Variants in TTC9B observed in about 807,000 individuals in gnomAD.
TTC9B encodes tetratricopeptide repeat protein 9B.
TTC9B carries 12 observed loss-of-function variants against 19.4 expected under a neutral mutation model. The observed-to-expected ratio is 0.62, with a 90% CI of 0.40 to 1.00. The LOEUF (loss-of-function observed/expected upper bound fraction) is 1.00, where lower values mean the gene tolerates loss of function less well. TTC9B is among the 50% of genes least tolerant of loss of function. The pLI is 0.00. For synonymous variants in TTC9B, 156 were observed against 158.6 expected (o/e 0.98, Z 0.12); for missense variants, 316 against 345.2 (o/e 0.92, Z 0.67).
At chr19:40,216,340 G>A (rs1973366408) in intron 2 of TTC9B, 68 bp from the exon 3 acceptor site, 1 of 1,182,608 alleles carries the variant, frequency 8.5e-7, no homozygotes, top group African/African-American at 1.5e-5. Context: ...ACACCTCCCT[G>A]GCTCACACCC....
intron 1 of TTC9B, 75 bp downstream of exon 1, chr19:40,217,880 T>A: frequency 2.3e-6 from 3 of 1,320,742 alleles, no homozygotes; most frequent in Admixed American, 2.9e-5. Flanking sequence ...CCAGGGCCCC[T>A]GGCCCCCAAG....
chr19:40,216,931 G>A (rs575538513), intron 2 of TTC9B: 1 of 581,898 alleles, frequency 1.7e-6, no homozygotes, highest in African/African-American at 1.9e-5. Flanking sequence ...GGCAATGACG[G>A]TAGATGAGAA....
At chr19:40,217,001 G>A in intron 2 of TTC9B, 186 bp downstream of exon 2, 1 of 634,516 alleles carries the variant, frequency 1.6e-6, no homozygotes, top group South Asian at 2.0e-5. Context: ...GCGGGTGAAG[G>A]GCGGGGTGGA....
At chr19:40,217,722 C>G (rs916381769) in intron 1 of TTC9B, 51 of 529,832 alleles carry the variant, frequency 9.6e-5, no homozygotes, top group Non-Finnish European at 2.6e-5. Context: ...TCAGGGGAAG[C>G]GAGGCCCTGA....
chr19:40,216,835 G>T (rs574650972), intron 2 of TTC9B: 2 of 430,510 alleles, frequency 4.6e-6, no homozygotes, highest in Admixed American at 3.7e-5. Context: ...GAGTGTGTGC[G>T]GTAGGCAGGG....
chr19:40,217,337 C>G lies in TTC9B; in HGVS notation c.460G>C (p.Glu154Gln), dbSNP rs1426753614. 1 of 1,613,698 alleles carries G rather than the reference C, an allele frequency of 6.2e-7. No homozygotes were observed. The highest frequency in any genetic ancestry group is 8.5e-7 in the Non-Finnish European group (1 of 1,179,822). The change falls in exon 2 of 3, where the codon GAG becomes CAG. Residue 154 changes from glutamate (E) to glutamine (Q), a missense_variant. Coordinates refer to ENST00000311308, the MANE Select transcript of TTC9B (RefSeq NM_152479.6). ...CLLQSELVNY[E>Q]RVREYCLKVL... Reference sequence around the variant, plus strand: ...TTGAGACAGTACTCGCGCACGCGCTCGTAGTTTACCAGCTCCGACTGCAGC... The same window carrying G: ...TTGAGACAGTACTCGCGCACGCGCTGGTAGTTTACCAGCTCCGACTGCAGC...
intron 1 of TTC9B, 66 bp downstream of exon 1, chr19:40,217,889 A>C: frequency 4.5e-6 from 6 of 1,341,412 alleles, no homozygotes; most frequent in East Asian, 6.0e-5. Flanking sequence ...CTGGCCCCCA[A>C]GTCGCCAAGC....
At chr19:40,217,918 C>A (rs749749587) in intron 1 of TTC9B, 37 bp downstream of exon 1, 1 of 1,241,922 alleles carries the variant, frequency 8.1e-7, no homozygotes, top group South Asian at 1.5e-5. Flanking sequence ...TTGCCCCCTC[C>A]CCTCGTGCCC....
rs565258257 is a variant in TTC9B, at chr19:40,216,164, C to G, written c.719G>C (p.Ter240SerextTer27). ...AGSQTRDVIG[*>S] ...TAGAGAGGTCCCCCTGGATTGGCCT[C>G]AGCCAATTACATCCCGAGTCTGGGA... Residue 240 changes from the stop codon to serine (S), a stop_lost, in exon 3 of 3, where the codon TGA becomes TCA. Coordinates refer to ENST00000311308, the MANE Select transcript of TTC9B (RefSeq NM_152479.6). The G allele has an allele frequency of 1.2e-6, 2 of 1,613,036 alleles. No homozygotes were observed. Among genetic ancestry groups the G allele is most frequent in the African/African-American group, 1.3e-5 (1 of 75,042 alleles).
At chr19:40,217,422 C>A (rs1287756084) in intron 1 of TTC9B, 53 bp from the exon 2 acceptor site, 10 of 1,575,750 alleles carry the variant, frequency 6.3e-6, no homozygotes, top group Non-Finnish European at 8.6e-6. Context: ...CCCCCAGAAC[C>A]CACCTGACTG....
At chr19:40,217,482 C>G in intron 1 of TTC9B, 113 bp from the exon 2 acceptor site, 1 of 1,341,952 alleles carries the variant, frequency 7.5e-7, no homozygotes, top group Non-Finnish European at 9.9e-7. Context: ...AGGGATTGCT[C>G]CGGCAACCAG....
chr19:40,216,761 G>A (rs1412308517), intron 2 of TTC9B: 2 of 305,690 alleles, frequency 6.5e-6, no homozygotes, highest in African/African-American at 4.2e-5. Context: ...GTCCACCCGA[G>A]TGGATGAGTG....
chr19:40,216,107 G>T lies in TTC9B; in HGVS notation c.*56C>A, dbSNP rs1599922198. The T allele has an allele frequency of 7.3e-6, 10 of 1,363,306 alleles. 1 individual carries two copies. The East Asian group carries it at 2.1e-4, about 28-fold the overall frequency. 84.5% of individuals were successfully genotyped at this position (1,363,306 alleles called of 1,614,324 possible). A position where few individuals can be genotyped will look rare whatever the true frequency, so the allele number is the denominator to read the frequency against. Reference sequence around the variant, plus strand: ...TTACCAACAAACACATGAGTCGGGGGAAGTTACATGGTGAGGTGGGAGGGC... The same window carrying T: ...TTACCAACAAACACATGAGTCGGGGTAAGTTACATGGTGAGGTGGGAGGGC... On this transcript the variant is annotated 3_prime_UTR_variant, in exon 3 of 3. Transcript: ENST00000311308.
intron 1 of TTC9B, 83 bp from the exon 2 acceptor site, chr19:40,217,452 G>A (rs985493596): frequency 4.2e-5 from 63 of 1,513,114 alleles, no homozygotes; most frequent in Non-Finnish European, 5.6e-5. Flanking sequence ...GAGGCTCCAG[G>A]CGGCAGGGAA....
In TTC9B at chr19:40,216,257, C is replaced by G. The variant is rs1568497741; in HGVS notation, c.626G>C (p.Arg209Pro). ...SREPTDTNVL[R>P]YIQLTQLKMN... ...CTTCAGCTGAGTCAGCTGGATGTAG[C>G]GGAGCACATTGGTGTCTGCAGGGGA... is the stretch of plus-strand genomic sequence containing the variant. Residue 209 changes from arginine to proline, a missense_variant, in exon 3 of 3, where the codon CGC becomes CCC. Arg to Pro is a moderately radical substitution (Grantham distance 103, BLOSUM62 -2). Transcript: ENST00000311308. 6.2e-7 allele frequency: 1 copy of G among 1,614,048 alleles called. No homozygotes were observed. Among genetic ancestry groups the G allele is most frequent in the East Asian group, 2.2e-5 (1 of 44,888 alleles).
Position 40,217,723 on chromosome 19 carries a change from G to A in TTC9B, c.427+232C>T, listed in dbSNP as rs187005226. The A allele has an allele frequency of 1.3e-5, 7 of 529,406 alleles. No individual in the cohort carries two copies. In the African/African-American group the frequency reaches 1.4e-4, roughly 10 times the overall value. 32.8% of individuals were successfully genotyped at this position (529,406 alleles called of 1,614,324 possible). A position where few individuals can be genotyped will look rare whatever the true frequency, so the allele number is the denominator to read the frequency against. On this transcript the variant is annotated intron_variant, in intron 1 of 2. Coordinates refer to ENST00000311308, the MANE Select transcript of TTC9B (RefSeq NM_152479.6). Reference sequence around the variant, plus strand: ...GTGGAAAGAATGACTCAGGGGAAGCGAGGCCCTGAATACCCGACCCAAAGA... The same window carrying A: ...GTGGAAAGAATGACTCAGGGGAAGCAAGGCCCTGAATACCCGACCCAAAGA...
intron 1 of TTC9B, chr19:40,217,665 C>T (rs1419644645): frequency 7.6e-6 from 4 of 525,332 alleles, no homozygotes; most frequent in Non-Finnish European, 1.3e-5. Context: ...TCAGGGCAGA[C>T]TTCCTCACCT....
chr19:40,217,232 G>C lies in TTC9B; in HGVS notation c.565C>G (p.Arg189Gly), dbSNP rs757206821. 6.8e-6 allele frequency: 11 copies of C among 1,613,768 alleles called. No homozygotes were observed. The African/African-American group carries it at 1.2e-4, about 18-fold the overall frequency. Residue 189 changes from arginine to glycine, a missense_variant, in exon 2 of 3, where the codon CGC becomes GGC. Physicochemically the swap from Arg to Gly is moderately radical, Grantham distance 125. Transcript: ENST00000311308. Reference sequence around the variant, plus strand: ...GCCTCCTGCAGGTAGCGCAGCGCGCGTGCGTAGTCGCCCAGGTGGTAGAAG... The same window carrying C: ...GCCTCCTGCAGGTAGCGCAGCGCGCCTGCGTAGTCGCCCAGGTGGTAGAAG... ...IAFYHLGDYA[R>G]ALRYLQEARS...
Position 40,218,026 on chromosome 19 carries a change from G to A in TTC9B, c.356C>T (p.Pro119Leu). 6.8e-7 allele frequency: 1 copy of A among 1,480,878 alleles called. No individual in the cohort carries two copies. The highest frequency in any genetic ancestry group is 2.4e-5 in the Admixed American group (1 of 41,072). The allele number at this position is 1,480,878 out of a possible 1,614,324, so 91.7% of individuals were successfully genotyped here. The change falls in exon 1 of 3, where the codon CCG (proline) becomes CTG (leucine). Residue 119 changes from proline to leucine, a missense_variant. Physicochemically the swap from Pro to Leu is moderately conservative, Grantham distance 98. Coordinates refer to ENST00000311308, the MANE Select transcript of TTC9B (RefSeq NM_152479.6). This position sits in a 1 kb window ranked among gnomAD's most constrained non-coding sequence, Gnocchi z 4.2. ...CCGCTGCTCCTCGCTGAGGCGCGCC[G>A]GCCCGGGGCTGCTGGTGGGCCCGGG... ...PAPGPTSSPG[P>L]ARLSEEQRRL...
Sources: gnomAD v4.1 joint callset for allele counts on GRCh38, gnomAD v4.1.1 for gene constraint, Gnocchi (gnomAD v3.1) non-coding constraint, MANE v1.5 for transcripts, NCBI Gene and HGNC (gene_info 2026-07-23, HGNC 2026-07-21) for gene names.